The following KIRREL3 variants were observed in gnomAD, a reference collection of about 807,000 sequenced individuals.
KIRREL3 encodes the protein kin of IRRE-like protein 3.
Under a neutral mutation model 89.7 loss-of-function variants are expected in KIRREL3, and 36 were observed. That is an observed-to-expected ratio of 0.40 (90% CI 0.31 to 0.53). KIRREL3 has a LOEUF of 0.53. Among genes scored for constraint, KIRREL3 ranks in the 20% least tolerant of loss-of-function variants. The probability of loss-of-function intolerance (pLI) is 0.49; values close to 1 mark genes in which losing one functional copy is unlikely to be tolerated. For synonymous variants in KIRREL3, 445 were observed against 441.4 expected, an observed-to-expected ratio of 1.01 and a Z score of -0.10; for missense variants, 864 against 1,056.6, an observed-to-expected ratio of 0.82 and a Z score of 2.53.
chr11:126,449,143 C>T lies in KIRREL3; in HGVS notation c.863G>A (p.Gly288Asp), dbSNP rs1166990104. Residue 288 changes from glycine to aspartate, a missense_variant, in exon 8 of 17, where the codon GGC becomes GAC. Gly to Asp is a moderately conservative substitution (Grantham distance 94). Transcript: ENST00000525144. ...AVTQYRWAKRGQIIKEASGEV... is the reference protein window; with the variant it reads ...AVTQYRWAKRDQIIKEASGEV... ...TCCAGATGCCTCCTTGATGATCTGG[C>T]CCCGCTTGGCCCACCTGCAACAAAG... The T allele has an allele frequency of 1.9e-6, 3 of 1,613,874 alleles. No homozygotes were observed. Among genetic ancestry groups the T allele is most frequent in the Non-Finnish European group, 2.5e-6 (3 of 1,179,788 alleles).
Position 126,761,271 on chromosome 11 carries a change from C to A in KIRREL3, c.56-198359G>T, listed in dbSNP as rs1949659154. 6.6e-6 allele frequency among the ~76,000 whole-genome samples: 1 copy of A among 152,242 alleles called. No homozygotes were observed. The highest frequency in any genetic ancestry group is 2.4e-5 in the African/African-American group (1 of 41,468). ...GTGGTCAGGTTGTCAGGCCCCTGCA[C>A]TCTGCCCAGGCAAAGGTATTCACAA... On this transcript the variant is annotated intron_variant, in intron 1 of 16. Transcript: ENST00000525144. This position sits in a 1 kb window ranked among gnomAD's most constrained non-coding sequence, Gnocchi z 4.4.
intron 1 of KIRREL3, among the ~76,000 whole-genome samples, chr11:126,949,753 TAGG>T (rs1328961134): frequency 6.6e-6 from 1 of 152,176 alleles, no homozygotes; most frequent in Non-Finnish European, 1.5e-5. Flanking sequence ...TGACTCAGTG[TAGG>T]AGACTTCATT....
In KIRREL3 at chr11:126,877,981, A is replaced by G. The variant is rs1034610918; in HGVS notation, c.55+122474T>C. On this transcript the variant is annotated intron_variant, in intron 1 of 16. Transcript: ENST00000525144. The surrounding 1 kb of genome is among the most constrained non-coding windows in gnomAD (Gnocchi z 4.9). ...AATGATGGGACCTAGAATCAAAGAT[A>G]TGGAGGTGACTCGTCCAAGGTCTTA... Among the ~76,000 whole-genome samples, 2 of 152,184 alleles carry G rather than the reference A, an allele frequency of 1.3e-5. No homozygotes were observed. The highest frequency in any genetic ancestry group is 4.8e-5 in the African/African-American group (2 of 41,450).
At chr11:126,901,422 T>C (rs1946366813) in intron 1 of KIRREL3, among the ~76,000 whole-genome samples, 1 of 152,180 alleles carries the variant, frequency 6.6e-6, no homozygotes, top group South Asian at 2.1e-4. Context: ...AGGAGATAGT[T>C]AGTTGCTAGT....
At position 126,948,507 on chromosome 11, in the gene KIRREL3, C is replaced by A. The variant is rs1948685885; in HGVS notation, c.55+51948G>T. 6.6e-6 allele frequency among the ~76,000 whole-genome samples: 1 copy of A among 152,144 alleles called. No individual in the cohort carries two copies. The highest frequency in any genetic ancestry group is 1.5e-5 in the Non-Finnish European group (1 of 68,014). On this transcript the variant is annotated intron_variant, in intron 1 of 16. Transcript: ENST00000525144. This position sits in a 1 kb window ranked among gnomAD's most constrained non-coding sequence, Gnocchi z 4.5. ...CATAGTGCAATGCCCAAAGAACTAG[C>A]ATAGTTCTTCCCCAGGGTTATGAGA...
In KIRREL3 at chr11:126,463,623, G is replaced by A. The variant is rs1458189424; in HGVS notation, c.592-316C>T. Among the ~76,000 whole-genome samples, 2 of 152,198 alleles carry A rather than the reference G, an allele frequency of 1.3e-5. No individual in the cohort carries two copies. The highest frequency in any genetic ancestry group is 4.8e-5 in the African/African-American group (2 of 41,456). ...GGTTTCATGGAAACCAGGCTTCAGG[G>A]AGGTCCCATGTTGAAATGAACTCAC... On this transcript the variant is annotated intron_variant, in intron 5 of 16. Transcript: ENST00000525144. This position sits in a 1 kb window ranked among gnomAD's most constrained non-coding sequence, Gnocchi z 5.9.
At position 126,522,878 on chromosome 11, in the gene KIRREL3, G is replaced by A. The variant is rs535326037; in HGVS notation, c.284-1414C>T. The stretch of plus-strand genomic sequence containing the variant: ...CCCCAGGCTGCTCCTCCTTTTGAAG[G>A]ACCCTCACCACACAGGGAGTGTTCT... On this transcript the variant is annotated intron_variant, in intron 3 of 16. Coordinates refer to ENST00000525144, the MANE Select transcript of KIRREL3 (RefSeq NM_032531.4). The surrounding 1 kb of genome is among the most constrained non-coding windows in gnomAD (Gnocchi z 6.0). Among the ~76,000 whole-genome samples, 76 of 152,332 alleles carry A rather than the reference G, an allele frequency of 5.0e-4. No individual in the cohort carries two copies. Among genetic ancestry groups the A allele is most frequent in the Non-Finnish European group, 8.2e-4 (56 of 68,030 alleles).
chr11:126,967,642 G>A (rs1949309928), intron 1 of KIRREL3, among the ~76,000 whole-genome samples: 2 of 151,992 alleles, frequency 1.3e-5, no homozygotes, highest in South Asian at 2.1e-4. Context: ...TCCTCAGAAT[G>A]AGGCAATGTT....
At position 126,837,038 on chromosome 11, in the gene KIRREL3, G is replaced by A. The variant is rs1279034303; in HGVS notation, c.55+163417C>T. The stretch of plus-strand genomic sequence containing the variant: ...AGATATTTGTTAAGTATTTTTTTGG[G>A]GGGCGGGGGGTTGAATGAATGAACT... On this transcript the variant is annotated intron_variant, in intron 1 of 16. Coordinates refer to ENST00000525144, the MANE Select transcript of KIRREL3 (RefSeq NM_032531.4). This position sits in a 1 kb window ranked among gnomAD's most constrained non-coding sequence, Gnocchi z 4.7. Among the ~76,000 whole-genome samples the A allele has an allele frequency of 6.6e-6, 1 of 151,884 alleles. No homozygotes were observed.
intron 1 of KIRREL3, among the ~76,000 whole-genome samples, chr11:126,616,277 G>A (rs1207697962): frequency 7.3e-6 from 1 of 136,486 alleles, no homozygotes; most frequent in African/African-American, 2.6e-5. Flanking sequence ...TGGAAAGACA[G>A]GAAAAGGAAA....
chr11:126,451,447 AGTG>A (rs1956154636), intron 7 of KIRREL3, among the ~76,000 whole-genome samples: 1 of 66,366 alleles, frequency 1.5e-5, no homozygotes, highest in African/African-American at 6.6e-5. Context: ...TGTGTGTCCA[AGTG>A]CATGCGCATG....
chr11:126,567,071 C>A (rs605226), intron 1 of KIRREL3, among the ~76,000 whole-genome samples: 39 of 152,010 alleles, frequency 2.6e-4, no homozygotes, highest in Non-Finnish European at 2.1e-4. Flanking sequence ...CACAGATCAG[C>A]GGTGTGGGCT....
chr11:126,701,755 G>C (rs2134119387), intron 1 of KIRREL3, among the ~76,000 whole-genome samples: 1 of 152,236 alleles, frequency 6.6e-6, no homozygotes, highest in East Asian at 1.9e-4. Flanking sequence ...AGCCTGGGGA[G>C]AAGCCCTGCC....
chr11:126,523,255 T>G lies in KIRREL3; in HGVS notation c.284-1791A>C, dbSNP rs1958650722. 1.3e-5 allele frequency among the ~76,000 whole-genome samples: 2 copies of G among 152,112 alleles called. No homozygotes were observed. The highest frequency in any genetic ancestry group is 2.9e-5 in the Non-Finnish European group (2 of 68,014). On this transcript the variant is annotated intron_variant, in intron 3 of 16. Coordinates refer to ENST00000525144, the MANE Select transcript of KIRREL3 (RefSeq NM_032531.4). The surrounding 1 kb of genome is among the most constrained non-coding windows in gnomAD (Gnocchi z 4.9). ...CCTCTCAGGGATGTTGCAGAGGTGA[T>G]TTCTACACCGGGTGAAAGATCAGAC...
In KIRREL3 at chr11:126,786,824, G is replaced by A. The variant is rs141877291; in HGVS notation, c.55+213631C>T. 1.3e-3 allele frequency among the ~76,000 whole-genome samples: 198 copies of A among 152,266 alleles called. 1 individual carries two copies. Among genetic ancestry groups the A allele is most frequent in the African/African-American group, 4.5e-3 (188 of 41,556 alleles). Reference sequence around the variant, plus strand: ...GGTCTGCTTGGAGGGCACTCTGGATGAAGCCCTCATTTGATTTCCTAACAG... The same window carrying A: ...GGTCTGCTTGGAGGGCACTCTGGATAAAGCCCTCATTTGATTTCCTAACAG... On this transcript the variant is annotated intron_variant, in intron 1 of 16. Coordinates refer to ENST00000525144, the MANE Select transcript of KIRREL3 (RefSeq NM_032531.4).
intron 1 of KIRREL3, among the ~76,000 whole-genome samples, chr11:126,698,843 C>A (rs1947202199): frequency 6.6e-6 from 1 of 152,242 alleles, no homozygotes. Context: ...GCACAGAGCC[C>A]AGTAGGAAAG....
At chr11:126,800,324 C>T (rs774494743) in intron 1 of KIRREL3, among the ~76,000 whole-genome samples, 13 of 152,204 alleles carry the variant, frequency 8.5e-5, no homozygotes, top group Admixed American at 7.2e-4. Flanking sequence ...CTTGCTTGAG[C>T]TCCTGCTCTG....
chr11:126,572,860 G>A (rs751665199), intron 1 of KIRREL3, among the ~76,000 whole-genome samples: 4 of 152,132 alleles, frequency 2.6e-5, no homozygotes, highest in African/African-American at 7.2e-5. Flanking sequence ...AACTGAAGAG[G>A]GTCCTAGCAG....
chr11:126,449,191 G>A (rs1467929453), intron 7 of KIRREL3, 34 bp from the exon 8 acceptor site: 1 of 1,609,014 alleles, frequency 6.2e-7, no homozygotes, highest in South Asian at 1.1e-5. Flanking sequence ...TGTGGGCCTT[G>A]AGTGGCAAGG....
Sources: allele counts gnomAD v4.1 joint callset (sites outside exome capture counted in the v4.1 genomes callset), GRCh38; gene constraint gnomAD v4.1.1; non-coding constraint Gnocchi (gnomAD v3.1); transcripts MANE v1.5; gene names NCBI Gene and HGNC (gene_info 2026-07-23, HGNC 2026-07-21).